The following KANK4 variants were observed in gnomAD, a reference collection of about 807,000 sequenced individuals.
KANK4 encodes KN motif and ankyrin repeat domains 4.
Under a neutral mutation model 80.8 loss-of-function variants are expected in KANK4, and 50 were observed. The ratio of observed to expected loss-of-function variants is 0.62; its 90% CI spans 0.49 to 0.78. The LOEUF (loss-of-function observed/expected upper bound fraction) is 0.78. Ranked by LOEUF, KANK4 falls within the 30% of genes least tolerant of loss-of-function variation. The probability of loss-of-function intolerance (pLI) is 0.00; values close to 1 mark genes in which losing one functional copy is unlikely to be tolerated. For missense variants in KANK4, 1,196 were observed against 1,240.1 expected, an observed-to-expected ratio of 0.96 and a Z score of 0.53; for synonymous variants, 465 against 506.9, an observed-to-expected ratio of 0.92 and a Z score of 1.11.
intron 6 of KANK4, among the ~76,000 whole-genome samples, chr1:62,263,609 A>G (rs1268061996): frequency 6.6e-6 from 1 of 152,164 alleles, no homozygotes; most frequent in Non-Finnish European, 1.5e-5. Flanking sequence ...CACACCCCCC[A>G]GTAAGAAGTT....
chr1:62,275,198 C>T, intron 2 of KANK4, 111 bp from the exon 3 acceptor site: 1 of 803,104 alleles, frequency 1.2e-6, no homozygotes, highest in Non-Finnish European at 1.9e-6. Flanking sequence ...CTTGAGACTT[C>T]TTCTAAATGT....
At chr1:62,265,671 G>C (rs1672001339) in intron 6 of KANK4, among the ~76,000 whole-genome samples, 1 of 152,230 alleles carries the variant, frequency 6.6e-6, no homozygotes, top group Non-Finnish European at 1.5e-5. Context: ...TTGCAAAGGA[G>C]AGCAAAATGG....
chr1:62,268,305 G>A lies in KANK4; in HGVS notation c.2213C>T (p.Pro738Leu). 6.2e-7 allele frequency: 1 copy of A among 1,613,554 alleles called. No individual in the cohort carries two copies. The highest frequency in any genetic ancestry group is 1.3e-5 in the African/African-American group (1 of 75,004). The change falls in exon 5 of 10, where the codon CCC becomes CTC. Residue 738 changes from proline (P) to leucine (L), a missense_variant. Transcript: ENST00000371153. Reference sequence around the variant, plus strand: ...TGCTCACCTCTCGGCCTTGGAGTGGGGGACTTCTTCCCCAGGCCCACTTTC... The same window carrying A: ...TGCTCACCTCTCGGCCTTGGAGTGGAGGACTTCTTCCCCAGGCCCACTTTC... ...AQESGPGEEV[P>L]HSKAERYKPS...
At chr1:62,309,931 C>T (rs542346682) in intron 1 of KANK4, among the ~76,000 whole-genome samples, 68 of 152,302 alleles carry the variant, frequency 4.5e-4, no homozygotes, top group Admixed American at 2.1e-3. Flanking sequence ...AAGCATCACC[C>T]GAAGGCGGCC....
At chr1:62,310,350 T>G (rs1191138350) in intron 1 of KANK4, among the ~76,000 whole-genome samples, 1 of 151,996 alleles carries the variant, frequency 6.6e-6, no homozygotes, top group Non-Finnish European at 1.5e-5. Flanking sequence ...ATCTGGCACT[T>G]GGAGCAGCAG....
Position 62,239,513 on chromosome 1 carries a change from T to TTTA in KANK4, c.2884-1135_2884-1133dup, listed in dbSNP as rs578036023. ...AAATTATTTCCTAAGGACTGGTTCT[T>TTTA]TTATTATTATTATTATTATACTTTA... is the stretch of plus-strand genomic sequence containing the variant. On this transcript the variant is annotated intron_variant, in intron 9 of 9. Coordinates refer to ENST00000371153, the MANE Select transcript of KANK4 (RefSeq NM_181712.5). 9.2e-4 allele frequency among the ~76,000 whole-genome samples: 139 copies of TTTA among 151,446 alleles called. 4 individuals carry two copies. The East Asian group carries it at 0.017, about 18-fold the overall frequency.
chr1:62,318,921 C>T (rs1026001245), intron 1 of KANK4, among the ~76,000 whole-genome samples, 185 bp downstream of exon 1: 1 of 152,198 alleles, frequency 6.6e-6, no homozygotes, highest in African/African-American at 2.4e-5. Flanking sequence ...GCCAGGTCGG[C>T]CCAAGCTGCC....
intron 7 of KANK4, 52 bp from the exon 8 acceptor site, chr1:62,253,261 GACTCCACTTTAGCCGT>G: frequency 6.5e-7 from 1 of 1,549,288 alleles, no homozygotes; most frequent in Non-Finnish European, 8.7e-7. Context: ...CCAGGAGCCA[GACTCCACTTTAGCCGT>G]TTCAATGGGA....
chr1:62,263,201 T>C lies in KANK4; in HGVS notation c.2430A>G (p.Pro810=), dbSNP rs750939381. 2.5e-6 allele frequency: 4 copies of C among 1,613,790 alleles called. No homozygotes were observed. The highest frequency in any genetic ancestry group is 2.5e-6 in the Non-Finnish European group (3 of 1,179,918). Reference sequence around the variant, plus strand: ...AGTTGACAAGCAGTTTCAGGAAGTGTGGGGAGTGAGGCTGGACCTCGTGGA... The same window carrying C: ...AGTTGACAAGCAGTTTCAGGAAGTGCGGGGAGTGAGGCTGGACCTCGTGGA... The part of the protein sequence containing the change: ...SYLHEVQPHS[P]HFLKLLVNLA... Residue 810 remains proline, a synonymous_variant, in exon 7 of 10, where the codon CCA becomes CCG. Transcript: ENST00000371153.
At chr1:62,241,872 G>A (rs12041541) in intron 9 of KANK4, among the ~76,000 whole-genome samples, 3 of 152,324 alleles carry the variant, frequency 2.0e-5, no homozygotes, top group African/African-American at 7.2e-5. Context: ...AAGAGCCACA[G>A]GGCCAGTCCC....
chr1:62,258,660 G>C (rs147456666), intron 7 of KANK4, among the ~76,000 whole-genome samples: 16 of 152,278 alleles, frequency 1.1e-4, no homozygotes, highest in African/African-American at 3.8e-4. Flanking sequence ...ACACCTACTA[G>C]GAACCAGGAA....
At chr1:62,263,728 T>A (rs1239563355) in intron 6 of KANK4, among the ~76,000 whole-genome samples, 1 of 152,202 alleles carries the variant, frequency 6.6e-6, no homozygotes, top group Non-Finnish European at 1.5e-5. Flanking sequence ...CCTGCGTGTG[T>A]TTAATAGGCA....
chr1:62,292,883 A>T (rs139209236), intron 1 of KANK4, among the ~76,000 whole-genome samples: 1 of 152,174 alleles, frequency 6.6e-6, no homozygotes, highest in East Asian at 1.9e-4. Context: ...AACTCGTCTC[A>T]TGGTCCCTGT....
At chr1:62,301,125 T>C (rs910936311) in intron 1 of KANK4, among the ~76,000 whole-genome samples, 2 of 151,994 alleles carry the variant, frequency 1.3e-5, no homozygotes, top group African/African-American at 2.4e-5. Context: ...AAAGCATCTA[T>C]CATGTGCTGG....
chr1:62,311,518 C>G (rs777300444), intron 1 of KANK4, among the ~76,000 whole-genome samples: 16 of 152,200 alleles, frequency 1.1e-4, no homozygotes, highest in Non-Finnish European at 1.9e-4. Context: ...CCTCCCTCCT[C>G]CTCCTTTGCA....
intron 7 of KANK4, among the ~76,000 whole-genome samples, chr1:62,260,080 C>T (rs1671843348): frequency 6.6e-6 from 1 of 151,254 alleles, no homozygotes; most frequent in Non-Finnish European, 1.5e-5. Flanking sequence ...AGGCCAGTGG[C>T]CTCCACCTCC....
chr1:62,313,810 T>C (rs1395871438), intron 1 of KANK4, among the ~76,000 whole-genome samples: 1 of 152,136 alleles, frequency 6.6e-6, no homozygotes, highest in African/African-American at 2.4e-5. Context: ...GGCACATGTA[T>C]ACCTACGTAA....
At chr1:62,292,456 C>T (rs1299236633) in intron 1 of KANK4, among the ~76,000 whole-genome samples, 1 of 152,142 alleles carries the variant, frequency 6.6e-6, no homozygotes, top group African/African-American at 2.4e-5. Flanking sequence ...CCCATATTAC[C>T]TATTGTTCAA....
chr1:62,258,709 AG>A (rs1455560488), intron 7 of KANK4, among the ~76,000 whole-genome samples: 1 of 152,230 alleles, frequency 6.6e-6, no homozygotes, highest in African/African-American at 2.4e-5. Flanking sequence ...GACAGACAGG[AG>A]CCCCTTTTGA....
Sources: allele counts gnomAD v4.1 joint callset (sites outside exome capture counted in the v4.1 genomes callset), GRCh38; gene constraint gnomAD v4.1.1; transcripts MANE v1.5; gene names NCBI Gene and HGNC (gene_info 2026-07-23, HGNC 2026-07-21).